Variants in CASP8 observed in about 807,000 individuals in gnomAD.
CASP8 encodes caspase 8, also known as caspase-8.
A neutral mutation model predicts 46.3 loss-of-function variants in CASP8; 24 were observed. The ratio of observed to expected loss-of-function variants is 0.52; its 90% CI spans 0.38 to 0.73. The LOEUF is 0.73. Among genes scored for constraint, CASP8 ranks in the 30% least tolerant of loss-of-function variants. The probability of loss-of-function intolerance (pLI) is 0.00; values close to 1 mark genes in which losing one functional copy is unlikely to be tolerated. For missense variants in CASP8, 460 were observed against 559.0 expected (o/e 0.82, Z 1.79); for synonymous variants, 188 against 200.4 (o/e 0.94, Z 0.52).
At chr2:201,239,057 C>T (rs1946181215) in intron 2 of CASP8, among the ~76,000 whole-genome samples, 2 of 152,152 alleles carry the variant, frequency 1.3e-5, no homozygotes, top group South Asian at 4.1e-4. Context: ...GGATACAGCA[C>T]ATGTTTCAGA....
At chr2:201,277,678 G>C in intron 7 of CASP8, 1 of 435,792 alleles carries the variant, frequency 2.3e-6, no homozygotes, top group Non-Finnish European at 4.5e-6. Flanking sequence ...TAATCATCAG[G>C]AGTCTGTAAT....
chr2:201,269,619 T>G, intron 2 of CASP8: 1 of 1,579,186 alleles, frequency 6.3e-7, no homozygotes, highest in South Asian at 1.1e-5. Flanking sequence ...GGATCTCTCT[T>G]AAAATCTTTA....
At chr2:201,275,177 A>T (rs1372099797) in intron 6 of CASP8, among the ~76,000 whole-genome samples, 9 of 152,148 alleles carry the variant, frequency 5.9e-5, no homozygotes, top group African/African-American at 2.2e-4. Context: ...TTATTTTAAG[A>T]CCCGAGATGA....
chr2:201,270,857 C>T (rs192594696), intron 2 of CASP8, among the ~76,000 whole-genome samples: 25 of 152,216 alleles, frequency 1.6e-4, no homozygotes, highest in Non-Finnish European at 2.8e-4. Context: ...TGTGTGTTAT[C>T]GTTTTGGGGT....
chr2:201,237,479 AAAAAG>A (rs1299523541), intron 2 of CASP8, among the ~76,000 whole-genome samples: 2 of 151,850 alleles, frequency 1.3e-5, no homozygotes, highest in Non-Finnish European at 2.9e-5. Flanking sequence ...AAGAAAAAAG[AAAAAG>A]AAAAGAAAAC....
intron 2 of CASP8, among the ~76,000 whole-genome samples, chr2:201,239,378 C>T (rs1343042198): frequency 2.6e-5 from 4 of 152,090 alleles, no homozygotes; most frequent in Non-Finnish European, 4.4e-5. Flanking sequence ...CCAGACGGGG[C>T]GGCTGGCCGG....
intron 5 of CASP8, among the ~76,000 whole-genome samples, chr2:201,273,465 T>C (rs1360783985): frequency 6.6e-6 from 1 of 152,210 alleles, no homozygotes; most frequent in Non-Finnish European, 1.5e-5. Context: ...TGGCTTTTTT[T>C]TTCTCCTTGA....
Position 201,266,826 on chromosome 2 carries a change from G to A in CASP8, c.305+35G>A, listed in dbSNP as rs987715036. Reference sequence around the variant, plus strand: ...AACTCCCATTGTGGGACTGGGAGGTGTGGGTTGAATGGACAGCCTCTGAGC... The same window carrying A: ...AACTCCCATTGTGGGACTGGGAGGTATGGGTTGAATGGACAGCCTCTGAGC... On this transcript the variant is annotated intron_variant, in intron 2 of 8. Coordinates refer to ENST00000673742, the MANE Select transcript of CASP8 (RefSeq NM_001372051.1). The surrounding 1 kb of genome is among the most constrained non-coding windows in gnomAD (Gnocchi z 5.7). The A allele has an allele frequency of 3.2e-6, 5 of 1,557,802 alleles. No homozygotes were observed. The highest frequency in any genetic ancestry group is 4.4e-6 in the Non-Finnish European group (5 of 1,133,874).
Position 201,272,757 on chromosome 2 carries a change from C to G in CASP8, c.531C>G (p.Asp177Glu). The change falls in exon 4 of 9, where the codon GAC becomes GAG. Residue 177 changes from aspartate (D) to glutamate (E), a missense_variant. Coordinates refer to ENST00000673742, the MANE Select transcript of CASP8 (RefSeq NM_001372051.1). The surrounding 1 kb of genome is among the most constrained non-coding windows in gnomAD (Gnocchi z 4.4). ...INKSLLKIIN[D>E]YEEFSKERSS... ...AGAGCCTGCTGAAGATAATCAACGA[C>G]TATGAAGAATTCAGCAAAGGTAGAA... 2.5e-6 allele frequency: 4 copies of G among 1,614,154 alleles called. No homozygotes were observed. Among genetic ancestry groups the G allele is most frequent in the Non-Finnish European group, 3.4e-6 (4 of 1,180,030 alleles).
intron 7 of CASP8, among the ~76,000 whole-genome samples, chr2:201,282,784 C>T (rs1408907931): frequency 2.3e-5 from 2 of 87,244 alleles, no homozygotes; most frequent in Non-Finnish European, 5.5e-5. Flanking sequence ...AGGCGCCCCT[C>T]ACCTCCCGGA....
intron 2 of CASP8, among the ~76,000 whole-genome samples, chr2:201,247,217 A>G (rs1383431366): frequency 3.5e-5 from 5 of 144,548 alleles, no homozygotes; most frequent in African/African-American, 5.1e-5. Flanking sequence ...AAAAAAAAAG[A>G]AGAATTTTAG....
rs2125515938 is a variant in CASP8 at position 201,286,867 on chromosome 2, C to G, written c.*273C>G. 1 of 387,972 alleles carries G rather than the reference C, an allele frequency of 2.6e-6. No homozygotes were observed. Among genetic ancestry groups the G allele is most frequent in the African/African-American group, 2.1e-5 (1 of 48,218 alleles). 24.0% of individuals were successfully genotyped at this position (387,972 alleles called of 1,614,324 possible). Reference sequence around the variant, plus strand: ...ATCTCCTGACCTCGTGATCCACCCACCTCGGCCTCCCAAAGTGCTGGGATT... The same window carrying G: ...ATCTCCTGACCTCGTGATCCACCCAGCTCGGCCTCCCAAAGTGCTGGGATT... On this transcript the variant is annotated 3_prime_UTR_variant, in exon 9 of 9. Transcript: ENST00000673742.
chr2:201,287,450 T>G lies in CASP8; in HGVS notation c.*856T>G, dbSNP rs1266156697. On this transcript the variant is annotated 3_prime_UTR_variant, in exon 9 of 9. Transcript: ENST00000673742. Reference sequence around the variant, plus strand: ...AAATTTGTTTGAAATCTTTTAAAAATTCAAATGATTTTTACAAGTTTTAAA... The same window carrying G: ...AAATTTGTTTGAAATCTTTTAAAAAGTCAAATGATTTTTACAAGTTTTAAA... The G allele has an allele frequency of 2.6e-5, 4 of 154,758 alleles. No individual in the cohort carries two copies. The highest frequency in any genetic ancestry group is 9.6e-5 in the African/African-American group (4 of 41,510). The allele number at this position is 154,758 out of a possible 1,614,324, so 9.6% of individuals were successfully genotyped here. A position where few individuals can be genotyped will look rare whatever the true frequency, so the allele number is the denominator to read the frequency against.
At position 201,284,994 on chromosome 2, in the gene CASP8, T is replaced by TG. The variant is rs1559374786; in HGVS notation, c.983dup (p.Gln329ThrfsTer7). 7.4e-6 allele frequency: 12 copies of TG among 1,614,174 alleles called. No individual in the cohort carries two copies. Among genetic ancestry groups the TG allele is most frequent in the African/African-American group, 1.3e-5 (1 of 75,028 alleles). On this transcript the variant is annotated frameshift_variant, in exon 8 of 9. Coordinates refer to ENST00000673742, the MANE Select transcript of CASP8 (RefSeq NM_001372051.1). LOFTEE classifies it high-confidence loss of function. ...ACAAGGGCATCATCTATGGCACTGA[T>TG]GGACAGGAGGCCCCCATCTATGAGC...
intron 7 of CASP8, 49 bp downstream of exon 7, chr2:201,277,017 T>C (rs577745241): frequency 7.3e-7 from 1 of 1,372,910 alleles, no homozygotes; most frequent in Non-Finnish European, 1.0e-6. Context: ...TATGCCTATT[T>C]TTTTTTAAAT....
chr2:201,259,927 G>C (rs1402942890), upstream of CASP8, among the ~76,000 whole-genome samples: 1 of 148,204 alleles, frequency 6.7e-6, no homozygotes, highest in Non-Finnish European at 1.5e-5. Flanking sequence ...TTTTATTTCA[G>C]AGTTTTTTCT....
chr2:201,276,382 G>A (rs531647483), intron 6 of CASP8, among the ~76,000 whole-genome samples: 13 of 152,338 alleles, frequency 8.5e-5, no homozygotes, highest in South Asian at 2.1e-4. Flanking sequence ...AAGCACAGAT[G>A]AGTTCAGTAG....
chr2:201,270,315 G>A (rs1314687704), intron 2 of CASP8, among the ~76,000 whole-genome samples: 1 of 152,140 alleles, frequency 6.6e-6, no homozygotes, highest in East Asian at 1.9e-4. Flanking sequence ...AAACTTATTT[G>A]TGTAACCCTC....
intron 2 of CASP8, among the ~76,000 whole-genome samples, chr2:201,235,829 T>C (rs1399626450): frequency 1.3e-5 from 2 of 152,246 alleles, no homozygotes; most frequent in African/African-American, 4.8e-5. Context: ...GTATTTTTAC[T>C]GTACCATTTC....
Sources: gnomAD v4.1 joint callset for allele counts (sites outside exome capture counted in the v4.1 genomes callset) on GRCh38, gnomAD v4.1.1 for gene constraint, Gnocchi (gnomAD v3.1) non-coding constraint, MANE v1.5 for transcripts, NCBI Gene and HGNC (gene_info 2026-07-23, HGNC 2026-07-21) for gene names.